Variants in ATP11B observed in about 807,000 individuals in gnomAD.
ATP11B encodes ATPase phospholipid transporting 11B (putative).
In ATP11B, 81 loss-of-function variants were observed where a neutral mutation model predicts 157.8. The ratio of observed to expected loss-of-function variants is 0.51; its 90% CI spans 0.43 to 0.62. ATP11B has a LOEUF of 0.62. ATP11B is among the 20% of genes least tolerant of loss of function. ATP11B has a pLI of 0.00. For missense variants in ATP11B, 1,165 were observed against 1,402.2 expected (o/e 0.83, Z 2.70); for synonymous variants, 451 against 469.4 (o/e 0.96, Z 0.51).
intron 23 of ATP11B, among the ~76,000 whole-genome samples, chr3:182,886,953 A>G (rs1033316066): frequency 3.9e-5 from 6 of 152,228 alleles, no homozygotes; most frequent in African/African-American, 1.2e-4. Context: ...CAATACGACA[A>G]GGAAAACTGA....
At chr3:182,895,986 C>T (rs1723521223) in intron 25 of ATP11B, among the ~76,000 whole-genome samples, 1 of 152,120 alleles carries the variant, frequency 6.6e-6, no homozygotes, top group South Asian at 2.1e-4. Context: ...CCAAGGTCTG[C>T]AAAATAGCAG....
At chr3:182,892,963 T>G (rs953848786) in intron 25 of ATP11B, among the ~76,000 whole-genome samples, 1 of 152,212 alleles carries the variant, frequency 6.6e-6, no homozygotes, top group Non-Finnish European at 1.5e-5. Flanking sequence ...TTTTTAACTT[T>G]GTTTTTTTCC....
rs1725243427 is a variant in ATP11B at position 182,917,934 on chromosome 3, C to T, written c.3453-89C>T. ...ATTTAAATGAATCAATCAGTGATTGCATTTGGGTCCTAAGTTTTAGAGTAA... is the reference window on the plus strand; with the variant it reads ...ATTTAAATGAATCAATCAGTGATTGTATTTGGGTCCTAAGTTTTAGAGTAA... On this transcript the variant is annotated intron_variant, in intron 29 of 29. Transcript: ENST00000323116. 9.2e-6 allele frequency: 14 copies of T among 1,529,028 alleles called. No individual in the cohort carries two copies. In the South Asian group the frequency reaches 1.2e-4, roughly 13 times the overall value. The allele number at this position is 1,529,028 out of a possible 1,614,324, so 94.7% of individuals were successfully genotyped here.
At chr3:182,862,384 A>G (rs1720910033) in intron 12 of ATP11B, among the ~76,000 whole-genome samples, 2 of 152,148 alleles carry the variant, frequency 1.3e-5, no homozygotes, top group East Asian at 1.9e-4. Flanking sequence ...CCAGCAGGTA[A>G]TATTTCTGCT....
rs192199360 is a variant in ATP11B at position 182,903,998 on chromosome 3, T to C, written c.3318+5226T>C. Among the ~76,000 whole-genome samples the C allele has an allele frequency of 1.3e-4, 20 of 152,342 alleles. No individual in the cohort carries two copies. The East Asian group carries it at 3.7e-3, about 28-fold the overall frequency. The stretch of plus-strand genomic sequence containing the variant: ...TAAATCAAAGAAATCACAGATTCTG[T>C]AATACTCTAATAAAACAGTAAGCTG... On this transcript the variant is annotated intron_variant, in intron 28 of 29. Coordinates refer to ENST00000323116, the MANE Select transcript of ATP11B (RefSeq NM_014616.3).
At chr3:182,886,331 C>T (rs553247650) in intron 23 of ATP11B, among the ~76,000 whole-genome samples, 1 of 152,192 alleles carries the variant, frequency 6.6e-6, no homozygotes, top group South Asian at 2.1e-4. Context: ...CAAGCCAGGC[C>T]AGATAACTTG....
intron 22 of ATP11B, among the ~76,000 whole-genome samples, chr3:182,885,473 T>C (rs1375551556): frequency 2.0e-5 from 3 of 152,154 alleles, no homozygotes; most frequent in Non-Finnish European, 4.4e-5. Flanking sequence ...AGATTGCATA[T>C]TGCTATAAGA....
chr3:182,803,827 A>G (rs1716157890), intron 1 of ATP11B, among the ~76,000 whole-genome samples: 2 of 152,074 alleles, frequency 1.3e-5, no homozygotes, highest in Admixed American at 1.3e-4. Context: ...TCTCTTTCAC[A>G]TACTCTGTCA....
chr3:182,854,752 TACACACACACACACACACACACAC>T (rs71183649), intron 10 of ATP11B, among the ~76,000 whole-genome samples: 108 of 145,958 alleles, frequency 7.4e-4, no homozygotes, highest in Middle Eastern at 3.4e-3. Context: ...TGCATGTGTT[TACACACACACACACACACACACAC>T]ACACACACAC....
Position 182,898,656 on chromosome 3 carries a change from T to C in ATP11B, c.3202T>C (p.Ser1068Pro). Residue 1068 changes from serine (S) to proline (P), a missense_variant, in exon 28 of 30, where the codon TCA becomes CCA. Physicochemically the swap from Ser to Pro is moderately conservative, Grantham distance 74. This residue lies in a region of ATP11B where 303 missense variants were observed against 296.3 expected (regional missense o/e 1.02). Transcript: ENST00000323116. ...GTATTTTGTGTTTATTCAGCTCCTGTCAAGTGGTTCTGCTTGGTTTGCCAT... is the reference window on the plus strand; with the variant it reads ...GTATTTTGTGTTTATTCAGCTCCTGCCAAGTGGTTCTGCTTGGTTTGCCAT... ...NMYFVFIQLL[S>P]SGSAWFAIIL... 1 of 1,609,978 alleles carries C rather than the reference T, an allele frequency of 6.2e-7. No homozygotes were observed.
At chr3:182,888,221 C>T (rs1722929321) in intron 24 of ATP11B, among the ~76,000 whole-genome samples, 2 of 152,064 alleles carry the variant, frequency 1.3e-5, no homozygotes, top group South Asian at 2.1e-4. Flanking sequence ...ACCATAAGCT[C>T]TTATAGAGAT....
At chr3:182,872,990 A>T (rs192241710) in intron 18 of ATP11B, among the ~76,000 whole-genome samples, 1 of 152,208 alleles carries the variant, frequency 6.6e-6, no homozygotes, top group Non-Finnish European at 1.5e-5. Flanking sequence ...CTACCTATTC[A>T]TAAAGTATAG....
chr3:182,802,010 T>C (rs1296638486), intron 1 of ATP11B, among the ~76,000 whole-genome samples: 2 of 152,216 alleles, frequency 1.3e-5, no homozygotes, highest in South Asian at 2.1e-4. Flanking sequence ...CAAAAAATGC[T>C]TTGCTTCAAA....
intron 1 of ATP11B, among the ~76,000 whole-genome samples, chr3:182,794,378 T>G (rs1007374347): frequency 6.6e-6 from 1 of 152,124 alleles, no homozygotes; most frequent in African/African-American, 2.4e-5. Flanking sequence ...GGGGAAAGAC[T>G]GTGCCAGCTG....
At chr3:182,914,062 G>A (rs765991574) in intron 29 of ATP11B, 68 bp downstream of exon 29, 184 of 1,586,504 alleles carry the variant, frequency 1.2e-4, no homozygotes, top group Non-Finnish European at 1.5e-4. Flanking sequence ...TGAACCTGCC[G>A]CTCTAGATAC....
At chr3:182,898,300 A>G (rs1368824701) in intron 27 of ATP11B, among the ~76,000 whole-genome samples, 1 of 152,112 alleles carries the variant, frequency 6.6e-6, no homozygotes, top group Non-Finnish European at 1.5e-5. Context: ...ATTTTATTAC[A>G]CACTTTTTCT....
intron 28 of ATP11B, among the ~76,000 whole-genome samples, chr3:182,907,213 A>T (rs180678315): frequency 6.6e-6 from 1 of 152,232 alleles, no homozygotes; most frequent in African/African-American, 2.4e-5. Flanking sequence ...TTGGATTGGT[A>T]GTAATGATGG....
rs1210348252 is a variant in ATP11B, at chr3:182,918,536, A to C, written c.*432A>C. On this transcript the variant is annotated 3_prime_UTR_variant, in exon 30 of 30. Transcript: ENST00000323116. ...ATTATGCTGAAAGTTTGCCTTGAGA[A>C]CTCTATTTTTTTATTAGAGTTATAT... 3 of 394,456 alleles carry C rather than the reference A, an allele frequency of 7.6e-6. No homozygotes were observed. The highest frequency in any genetic ancestry group is 8.9e-6 in the Non-Finnish European group (2 of 223,730). The allele number at this position is 394,456 out of a possible 1,614,324, so 24.4% of individuals were successfully genotyped here. A position where few individuals can be genotyped will look rare whatever the true frequency, so the allele number is the denominator to read the frequency against.
intron 4 of ATP11B, among the ~76,000 whole-genome samples, chr3:182,830,252 G>C (rs1363728764): frequency 1.3e-5 from 2 of 151,786 alleles, no homozygotes; most frequent in Non-Finnish European, 2.9e-5. Flanking sequence ...GAGCCCAGGA[G>C]GTAGAGGCTG....
Sources: allele counts gnomAD v4.1 joint callset (sites outside exome capture counted in the v4.1 genomes callset), GRCh38; gene constraint gnomAD v4.1.1; regional missense constraint gnomAD v4.1.1; transcripts MANE v1.5; gene names NCBI Gene and HGNC (gene_info 2026-07-23, HGNC 2026-07-21).